The following CLASP1 variants were observed in gnomAD, a reference collection of about 807,000 sequenced individuals.
CLASP1 encodes cytoplasmic linker associated protein 1.
In CLASP1, 38 loss-of-function variants were observed where a neutral mutation model predicts 192.3. That is an observed-to-expected ratio of 0.20 (90% CI 0.15 to 0.26). The LOEUF (loss-of-function observed/expected upper bound fraction) is 0.26, where lower values mean the gene tolerates loss of function less well. Among genes scored for constraint, CLASP1 ranks in the 10% least tolerant of loss-of-function variants. The pLI, the probability that CLASP1 is intolerant of heterozygous loss-of-function variation, is 1.00. For synonymous variants in CLASP1, 691 were observed against 712.8 expected, an observed-to-expected ratio of 0.97 and a Z score of 0.49; for missense variants, 1,433 against 1,932.5, an observed-to-expected ratio of 0.74 and a Z score of 4.85.
chr2:121,518,520 T>C (rs1357982045), intron 6 of CLASP1, among the ~76,000 whole-genome samples: 2 of 152,120 alleles, frequency 1.3e-5, no homozygotes, highest in African/African-American at 2.4e-5. Flanking sequence ...AAACACAGAT[T>C]ATCAGTTTAT....
chr2:121,457,456 CAT>C (rs1438418605), intron 14 of CLASP1, among the ~76,000 whole-genome samples: 161 of 139,080 alleles, frequency 1.2e-3, no homozygotes, highest in African/African-American at 4.3e-3. Flanking sequence ...CTCACACAGA[CAT>C]ACACACACAC....
chr2:121,443,734 C>T (rs1246690145), intron 19 of CLASP1, among the ~76,000 whole-genome samples: 1 of 152,150 alleles, frequency 6.6e-6, no homozygotes, highest in African/African-American at 2.4e-5. Flanking sequence ...TAATCAGCAT[C>T]TTCAGGGTGA....
At chr2:121,624,473 T>G (rs35380545) in intron 1 of CLASP1, among the ~76,000 whole-genome samples, 34,898 of 151,842 alleles carry the variant, frequency 0.23, 5,932 homozygotes, top group African/African-American at 0.48. Context: ...ACAGTGCACA[T>G]TTGCGTGATC....
chr2:121,477,667 G>A (rs1282249221), intron 8 of CLASP1, among the ~76,000 whole-genome samples: 1 of 152,118 alleles, frequency 6.6e-6, no homozygotes, highest in Non-Finnish European at 1.5e-5. Context: ...CAATTTTAAA[G>A]ACTACTTATT....
chr2:121,410,114 C>G (rs1309734760), intron 24 of CLASP1, among the ~76,000 whole-genome samples: 1 of 152,120 alleles, frequency 6.6e-6, no homozygotes, highest in African/African-American at 2.4e-5. Context: ...AATCTTAAAA[C>G]AGCAAGAGCA....
chr2:121,476,488 G>A (rs952154370), intron 8 of CLASP1, among the ~76,000 whole-genome samples: 4 of 152,126 alleles, frequency 2.6e-5, no homozygotes, highest in Non-Finnish European at 4.4e-5. Context: ...AGAAGCTTTG[G>A]GCCATACTGT....
Position 121,425,216 on chromosome 2 carries a change from G to A in CLASP1, c.2135C>T (p.Pro712Leu), listed in dbSNP as rs555496742. 2.4e-5 allele frequency: 38 copies of A among 1,613,328 alleles called. No homozygotes were observed. In the South Asian group the frequency reaches 2.5e-4, roughly 11 times the overall value. Residue 712 changes from proline (P) to leucine (L), a missense_variant, in exon 22 of 40, where the codon CCG becomes CTG. By Grantham distance (98) the Pro-to-Leu change is moderately conservative (BLOSUM62 -3). Coordinates refer to ENST00000263710, the Ensembl canonical transcript of CLASP1. ...AATCTTGCTTCGCTTTTCTGAAGAC[G>A]GTGTCACAGGTGGGCCTCGTGAGGA... is the stretch of plus-strand genomic sequence containing the variant.
At chr2:121,644,868 G>T (rs1348615497) in intron 1 of CLASP1, among the ~76,000 whole-genome samples, 2 of 151,598 alleles carry the variant, frequency 1.3e-5, no homozygotes, top group Middle Eastern at 6.3e-3. Context: ...TGAAGCAGGA[G>T]GATTGATTAA....
intron 8 of CLASP1, among the ~76,000 whole-genome samples, chr2:121,478,343 G>A (rs1284406703): frequency 6.6e-6 from 1 of 152,126 alleles, no homozygotes; most frequent in Non-Finnish European, 1.5e-5. Context: ...GCTCACATCT[G>A]TAATCCCAGC....
chr2:121,347,141 G>T (rs760400075), exon 39 of CLASP1: 1 of 1,574,156 alleles, frequency 6.4e-7, no homozygotes, highest in Non-Finnish European at 8.6e-7. Flanking sequence ...ACTACTTTCG[G>T]TGTTGTCATA....
At chr2:121,379,936 C>A (rs2071240902) in intron 33 of CLASP1, among the ~76,000 whole-genome samples, 1 of 152,168 alleles carries the variant, frequency 6.6e-6, no homozygotes, top group Non-Finnish European at 1.5e-5. Flanking sequence ...AACTCAAACT[C>A]CCAATTCAGG....
At chr2:121,451,095 G>A in intron 15 of CLASP1, 105 bp from the exon 16 acceptor site, 1 of 795,094 alleles carries the variant, frequency 1.3e-6, no homozygotes, top group East Asian at 2.5e-5. Context: ...GGAGCTGGGA[G>A]CCTCTGTGCC....
chr2:121,571,208 C>CTT (rs2059943872), intron 2 of CLASP1, among the ~76,000 whole-genome samples: 2 of 152,024 alleles, frequency 1.3e-5, no homozygotes, highest in African/African-American at 2.4e-5. Context: ...ATGGGTCTCA[C>CTT]TCTGTCACCC....
intron 7 of CLASP1, among the ~76,000 whole-genome samples, chr2:121,512,041 G>A (rs896628529): frequency 1.2e-4 from 18 of 152,250 alleles, no homozygotes; most frequent in African/African-American, 9.6e-5. Context: ...GATAGCAAAC[G>A]AGTAAATATT....
At chr2:121,586,327 G>A (rs998874760) in intron 2 of CLASP1, among the ~76,000 whole-genome samples, 8 of 152,016 alleles carry the variant, frequency 5.3e-5, no homozygotes, top group Non-Finnish European at 8.8e-5. Context: ...GGGTTTCACC[G>A]TGTTGGCCAG....
At chr2:121,517,298 T>C (rs76266125) in intron 6 of CLASP1, among the ~76,000 whole-genome samples, 354 of 152,190 alleles carry the variant, frequency 2.3e-3, no homozygotes, top group Middle Eastern at 0.02. Context: ...GAGTACAACA[T>C]CAAGGTAGTG....
chr2:121,615,114 C>T (rs1030556981), intron 1 of CLASP1, among the ~76,000 whole-genome samples: 1 of 151,850 alleles, frequency 6.6e-6, no homozygotes, highest in East Asian at 1.9e-4. Flanking sequence ...CCAAAGTGGG[C>T]AGATCACCTG....
intron 30 of CLASP1, among the ~76,000 whole-genome samples, chr2:121,394,910 T>C (rs181793067): frequency 2.0e-4 from 30 of 152,322 alleles, no homozygotes; most frequent in Admixed American, 9.1e-4. Flanking sequence ...CAAATTTTTT[T>C]AGTTTGTTGG....
chr2:121,359,244 T>A (rs921329113), intron 37 of CLASP1, among the ~76,000 whole-genome samples: 1 of 152,258 alleles, frequency 6.6e-6, no homozygotes, highest in Admixed American at 6.5e-5. Flanking sequence ...GTATAGCATA[T>A]GACAATTTTA....
Sources: allele counts gnomAD v4.1 joint callset (sites outside exome capture counted in the v4.1 genomes callset), GRCh38; gene constraint gnomAD v4.1.1; transcripts MANE v1.5; gene names NCBI Gene and HGNC (gene_info 2026-07-23, HGNC 2026-07-21).